The following TMEM260 variants were observed in gnomAD, a reference collection of about 807,000 sequenced individuals.
TMEM260 encodes the protein protein O-mannosyl-transferase TMEM260.
In TMEM260, 82 loss-of-function variants were observed where a neutral mutation model predicts 88.9. The observed-to-expected ratio is 0.92, with a 90% CI of 0.77 to 1.11. The LOEUF (loss-of-function observed/expected upper bound fraction) is 1.11, where lower values mean the gene tolerates loss of function less well. TMEM260 is among the 50% of genes least tolerant of loss of function. The pLI is 0.00. For synonymous variants in TMEM260, 314 were observed against 309.3 expected (o/e 1.02, Z -0.16); for missense variants, 902 against 853.4 (o/e 1.06, Z -0.71).
intron 14 of TMEM260, among the ~76,000 whole-genome samples, chr14:56,636,256 T>G (rs944395196): frequency 5.3e-5 from 8 of 150,374 alleles, no homozygotes; most frequent in African/African-American, 2.0e-4. Context: ...GGATGAACAA[T>G]GTATAATAGT....
chr14:56,619,618 G>A (rs532921717), intron 10 of TMEM260, among the ~76,000 whole-genome samples: 11 of 152,214 alleles, frequency 7.2e-5, no homozygotes, highest in African/African-American at 2.4e-4. Flanking sequence ...ACTATAGTTC[G>A]TTTATTTCCA....
At chr14:56,612,536 A>G (rs1376796447) in intron 7 of TMEM260, 1 of 497,992 alleles carries the variant, frequency 2.0e-6, no homozygotes, top group Non-Finnish European at 3.6e-6. Context: ...TAATATTTGT[A>G]TATAACCTAT....
Position 56,579,851 on chromosome 14 carries a change from G to GACACGCACA in TMEM260, c.-63_-62insCACGCACAA. ...AAGCTGCGCTCGTCTCTCGGCTGGGGAGCTCCGTGTCGCACCGGGTTCTTG... is the reference window on the plus strand; with the variant it reads ...AAGCTGCGCTCGTCTCTCGGCTGGGGACACGCACAAGCTCCGTGTCGCACCGGGTTCTTG... On this transcript the variant is annotated 5_prime_UTR_variant, in exon 1 of 16. Transcript: ENST00000261556. The GACACGCACA allele has an allele frequency of 8.2e-7, 1 of 1,221,914 alleles. No individual in the cohort carries two copies. The highest frequency in any genetic ancestry group is 1.6e-5 in the African/African-American group (1 of 64,268). 75.7% of individuals were successfully genotyped at this position (1,221,914 alleles called of 1,614,324 possible). A position where few individuals can be genotyped will look rare whatever the true frequency, so the allele number is the denominator to read the frequency against.
At chr14:56,618,276 A>G (rs1887705448) in intron 9 of TMEM260, among the ~76,000 whole-genome samples, 1 of 152,214 alleles carries the variant, frequency 6.6e-6, no homozygotes, top group South Asian at 2.1e-4. Context: ...GTGGAAGGAA[A>G]CATCAGGAGT....
chr14:56,635,703 C>T (rs1173156890), intron 14 of TMEM260, among the ~76,000 whole-genome samples: 1 of 152,136 alleles, frequency 6.6e-6, no homozygotes, highest in African/African-American at 2.4e-5. Flanking sequence ...AGGAGTGCTT[C>T]CTTCAGCAAA....
At chr14:56,585,054 T>C (rs1289789592) in intron 2 of TMEM260, 22 bp downstream of exon 2, 10 of 1,605,348 alleles carry the variant, frequency 6.2e-6, no homozygotes, top group Non-Finnish European at 8.5e-6. Context: ...TTTTATTGTT[T>C]AATCAATGCT....
At chr14:56,597,625 G>A (rs565210090) in intron 3 of TMEM260, among the ~76,000 whole-genome samples, 1 of 152,176 alleles carries the variant, frequency 6.6e-6, no homozygotes, top group Non-Finnish European at 1.5e-5. Flanking sequence ...TGTGAGGTCA[G>A]ATGTTTTGAA....
At chr14:56,612,637 T>C (rs1314644430) in intron 7 of TMEM260, 2 of 196,156 alleles carry the variant, frequency 1.0e-5, no homozygotes, top group Admixed American at 5.6e-5. Flanking sequence ...TGCTGTATTG[T>C]CTAGGGAATT....
chr14:56,603,166 G>A (rs1886679806), intron 3 of TMEM260, among the ~76,000 whole-genome samples: 1 of 151,914 alleles, frequency 6.6e-6, no homozygotes, highest in South Asian at 2.1e-4. Context: ...TCTGAGTGTA[G>A]CATCTGATTC....
At chr14:56,654,565 TC>T (rs1272737878), downstream of TMEM260, among the ~76,000 whole-genome samples, 1 of 151,962 alleles carries the variant, frequency 6.6e-6, no homozygotes, top group African/African-American at 2.4e-5. Flanking sequence ...ACACCTGTAA[TC>T]CCAGCACTTT....
chr14:56,652,285 C>T (rs189688240), downstream of TMEM260, among the ~76,000 whole-genome samples: 188 of 151,970 alleles, frequency 1.2e-3, 1 homozygote, highest in Non-Finnish European at 1.4e-3. Context: ...CGCTTGAGTC[C>T]GAGAGTTTGA....
At position 56,612,286 on chromosome 14, in the gene TMEM260, G is replaced by A; in HGVS notation, c.857+1G>A. The A allele has an allele frequency of 1.2e-6, 2 of 1,611,536 alleles. No homozygotes were observed. The highest frequency in any genetic ancestry group is 1.7e-6 in the Non-Finnish European group (2 of 1,177,804). On this transcript the variant is annotated splice_donor_variant, in intron 7 of 15. Coordinates refer to ENST00000261556, the MANE Select transcript of TMEM260 (RefSeq NM_017799.4). LOFTEE classifies it high-confidence loss of function. ...GATCCAGTATGTCTGAAATACTGCT[G>A]TGAGTATGAAATATTTGAAACTACT... is the stretch of plus-strand genomic sequence containing the variant.
chr14:56,610,200 T>G (rs1887166696), intron 6 of TMEM260, among the ~76,000 whole-genome samples: 1 of 152,008 alleles, frequency 6.6e-6, no homozygotes, highest in Non-Finnish European at 1.5e-5. Flanking sequence ...ATGATATTGA[T>G]GAGGTTTTGT....
intron 8 of TMEM260, among the ~76,000 whole-genome samples, chr14:56,616,647 A>G (rs1407292532): frequency 6.6e-6 from 1 of 152,022 alleles, no homozygotes; most frequent in Non-Finnish European, 1.5e-5. Flanking sequence ...TTCCACTATT[A>G]TAAGTAATAA....
At chr14:56,642,894 A>T (rs1594899658) in intron 15 of TMEM260, among the ~76,000 whole-genome samples, 1 of 152,304 alleles carries the variant, frequency 6.6e-6, no homozygotes, top group African/African-American at 2.4e-5. Flanking sequence ...CTATGCAAAT[A>T]AACTAGAAAC....
chr14:56,585,469 G>T (rs1247882354), intron 2 of TMEM260, among the ~76,000 whole-genome samples: 1 of 151,794 alleles, frequency 6.6e-6, no homozygotes, highest in Admixed American at 6.6e-5. Flanking sequence ...CCTTTTAAAT[G>T]ACCCTAATGT....
chr14:56,599,242 C>T (rs1886422948), intron 3 of TMEM260, among the ~76,000 whole-genome samples: 1 of 152,132 alleles, frequency 6.6e-6, no homozygotes, highest in African/African-American at 2.4e-5. Flanking sequence ...TGTCCTTTTG[C>T]CCTCCTGTCC....
chr14:56,604,706 A>C (rs1389376572), intron 4 of TMEM260, among the ~76,000 whole-genome samples: 1 of 152,220 alleles, frequency 6.6e-6, no homozygotes, highest in African/African-American at 2.4e-5. Flanking sequence ...CTTTTTAAAG[A>C]GTGAGAAGGC....
chr14:56,660,580 A>G, the TMEM260 span, among the ~76,000 whole-genome samples: 2 of 152,198 alleles, frequency 1.3e-5, no homozygotes, highest in Non-Finnish European at 2.9e-5. Context: ...GAGATGGGGA[A>G]TTTGGAGAAG....
Sources: allele counts gnomAD v4.1 joint callset (sites outside exome capture counted in the v4.1 genomes callset), GRCh38; gene constraint gnomAD v4.1.1; transcripts MANE v1.5; gene names NCBI Gene and HGNC (gene_info 2026-07-23, HGNC 2026-07-21).